The following SGCD variants were observed in gnomAD, a reference collection of about 807,000 sequenced individuals.
SGCD encodes sarcoglycan delta.
A neutral mutation model predicts 36.6 loss-of-function variants in SGCD; 18 were observed. That is an observed-to-expected ratio of 0.49 (90% confidence interval 0.34 to 0.73). The LOEUF is 0.73. Among genes scored for constraint, SGCD ranks in the 30% least tolerant of loss-of-function variants. The pLI is 0.01. For synonymous variants in SGCD, 133 were observed against 130.6 expected (o/e 1.02, Z -0.12); for missense variants, 387 against 346.7 (o/e 1.12, Z -0.92).
chr5:155,998,069 A>T (rs1758590682), intron 1 of SGCD, among the ~76,000 whole-genome samples: 1 of 152,226 alleles, frequency 6.6e-6, no homozygotes, highest in African/African-American at 2.4e-5. Flanking sequence ...GTAGGACTCT[A>T]CTGTCTAGTG....
chr5:156,299,848 G>T (rs1339707091), intron 3 of SGCD, among the ~76,000 whole-genome samples: 1 of 152,046 alleles, frequency 6.6e-6, no homozygotes, highest in Non-Finnish European at 1.5e-5. Flanking sequence ...GAGTCTTTAG[G>T]TGTTTCCAAA....
intron 1 of SGCD, among the ~76,000 whole-genome samples, chr5:155,929,935 A>G (rs2113389174): frequency 6.6e-6 from 1 of 152,260 alleles, no homozygotes; most frequent in South Asian, 2.1e-4. Flanking sequence ...TCTCCTTCAG[A>G]AAAAAATCTG....
At chr5:156,582,956 A>G (rs1260171685) in intron 4 of SGCD, among the ~76,000 whole-genome samples, 1 of 152,202 alleles carries the variant, frequency 6.6e-6, no homozygotes, top group African/African-American at 2.4e-5. Flanking sequence ...TAAGTTAACA[A>G]TTGTGTTTTA....
chr5:156,113,093 T>G (rs1364306626), intron 1 of SGCD, among the ~76,000 whole-genome samples: 3 of 144,602 alleles, frequency 2.1e-5, no homozygotes, highest in Admixed American at 6.9e-5. Context: ...GTAGAAGATC[T>G]TGTCCCCTCT....
rs889133027 is a variant in SGCD at position 156,761,321 on chromosome 5, G to A, written c.*1931G>A. Reference sequence around the variant, plus strand: ...CGTCCAGACCCCAGACTCACTCCAAGCACTCTTGTTCAATATCTCATGCAG... The same window carrying A: ...CGTCCAGACCCCAGACTCACTCCAAACACTCTTGTTCAATATCTCATGCAG... On this transcript the variant is annotated 3_prime_UTR_variant, in exon 9 of 9. Transcript: ENST00000337851. 1 of 152,360 alleles carries A rather than the reference G, an allele frequency of 6.6e-6. No homozygotes were observed. Among genetic ancestry groups the A allele is most frequent in the South Asian group, 2.1e-4 (1 of 4,830 alleles). The allele number at this position is 152,360 out of a possible 1,614,324, so 9.4% of individuals were successfully genotyped here.
At chr5:155,871,785 T>G (rs244992) in intron 1 of SGCD, among the ~76,000 whole-genome samples, 84,421 of 152,004 alleles carry the variant, frequency 0.56, 25,480 homozygotes, top group African/African-American at 0.8. Flanking sequence ...TGACAGGAGG[T>G]TTGCCAGTGA....
intron 3 of SGCD, among the ~76,000 whole-genome samples, chr5:156,432,257 T>C (rs1753054463): frequency 6.6e-6 from 1 of 152,184 alleles, no homozygotes; most frequent in Non-Finnish European, 1.5e-5. Context: ...ATGCTAGTAG[T>C]GAAGTTGTCA....
the SGCD span, among the ~76,000 whole-genome samples, chr5:155,790,418 T>C: frequency 6.6e-6 from 1 of 152,030 alleles, no homozygotes; most frequent in Non-Finnish European, 1.5e-5. Context: ...AATGCTAGCA[T>C]GGAGACAATG....
chr5:156,131,764 A>T lies in SGCD; in HGVS notation c.-44+7745A>T, dbSNP rs571700018. The stretch of plus-strand genomic sequence containing the variant: ...AAAATTGTCATTAAATATAATTGTT[A>T]TGCTTTATCTGTCCAGAATGATTGA... On this transcript the variant is annotated intron_variant, in intron 3 of 9. Coordinates refer to the SGCD transcript ENST00000517913. 4.6e-5 allele frequency among the ~76,000 whole-genome samples: 7 copies of T among 152,342 alleles called. No homozygotes were observed. In the South Asian group the frequency reaches 1.2e-3, roughly 27 times the overall value.
chr5:156,617,930 TTC>T (rs1762081673), intron 6 of SGCD, among the ~76,000 whole-genome samples: 1 of 152,204 alleles, frequency 6.6e-6, no homozygotes, highest in African/African-American at 2.4e-5. Flanking sequence ...CAAAACTTAG[TTC>T]TGTCACACTT....
intron 1 of SGCD, among the ~76,000 whole-genome samples, chr5:156,088,262 T>A (rs887697473): frequency 1.3e-5 from 2 of 152,014 alleles, no homozygotes; most frequent in South Asian, 4.1e-4. Flanking sequence ...TTGTATCTAG[T>A]AGAGGAGGGG....
intron 3 of SGCD, among the ~76,000 whole-genome samples, chr5:156,188,840 A>G (rs1763825675): frequency 6.6e-6 from 1 of 152,144 alleles, no homozygotes; most frequent in Non-Finnish European, 1.5e-5. Flanking sequence ...ATTAATATAC[A>G]AATTAATCTC....
At chr5:156,336,766 T>C (rs1238860452) in intron 2 of SGCD, among the ~76,000 whole-genome samples, 1 of 152,222 alleles carries the variant, frequency 6.6e-6, no homozygotes, top group African/African-American at 2.4e-5. Context: ...AAGGTATGAA[T>C]GAGAGAATTG....
chr5:156,292,321 T>A (rs1235144424), intron 3 of SGCD, among the ~76,000 whole-genome samples: 1 of 152,142 alleles, frequency 6.6e-6, no homozygotes, highest in Non-Finnish European at 1.5e-5. Flanking sequence ...TTCTACTTTT[T>A]ATCGCTATAA....
intron 3 of SGCD, among the ~76,000 whole-genome samples, chr5:156,153,341 T>C (rs1762873049): frequency 6.6e-6 from 1 of 151,400 alleles, no homozygotes; most frequent in Non-Finnish European, 1.5e-5. Context: ...GTTTTTAACG[T>C]GGGCCTTGGT....
At chr5:155,868,107 AGT>A, upstream of SGCD, among the ~76,000 whole-genome samples, 1 of 151,672 alleles carries the variant, frequency 6.6e-6, no homozygotes, top group Non-Finnish European at 1.5e-5. Flanking sequence ...GCTGTAGTGC[AGT>A]GGTGCGATCA....
chr5:155,847,134 T>C, the SGCD span, among the ~76,000 whole-genome samples: 1 of 152,218 alleles, frequency 6.6e-6, no homozygotes, highest in Non-Finnish European at 1.5e-5. Context: ...TGTTTGTGTA[T>C]GCACATGAAT....
At chr5:156,150,073 C>T (rs1397321046) in intron 3 of SGCD, among the ~76,000 whole-genome samples, 1 of 152,152 alleles carries the variant, frequency 6.6e-6, no homozygotes. Flanking sequence ...GTCTAAAACC[C>T]TCCAGAAGTG....
At chr5:155,891,733 T>C (rs1034435472) in intron 1 of SGCD, among the ~76,000 whole-genome samples, 3 of 151,660 alleles carry the variant, frequency 2.0e-5, no homozygotes, top group Admixed American at 2.0e-4. Flanking sequence ...CCCCACAGAG[T>C]TGCCATAATG....
Sources: gnomAD v4.1 joint callset for allele counts (sites outside exome capture counted in the v4.1 genomes callset) on GRCh38, gnomAD v4.1.1 for gene constraint, MANE v1.5 for transcripts, NCBI Gene and HGNC (gene_info 2026-07-23, HGNC 2026-07-21) for gene names.